SNTG1: variants seen among roughly 807,000 people sequenced by gnomAD.
SNTG1 encodes the protein gamma-1-syntrophin.
Under a neutral mutation model 74.7 loss-of-function variants are expected in SNTG1, and 39 were observed. The observed-to-expected ratio is 0.52, with a 90% CI of 0.40 to 0.68. The LOEUF (loss-of-function observed/expected upper bound fraction) is 0.68, where lower values mean the gene tolerates loss of function less well. Ranked by LOEUF, SNTG1 falls within the 30% of genes least tolerant of loss-of-function variation. The pLI is 0.00. For missense variants in SNTG1, 685 were observed against 609.5 expected (o/e 1.12, Z -1.30); for synonymous variants, 254 against 217.1 (o/e 1.17, Z -1.49).
upstream of SNTG1, chr8:49,911,330 TTCTCTCTCTTCCTCTCTC>T (rs1805568674): frequency 1.3e-5 from 2 of 151,808 alleles, no homozygotes; most frequent in African/African-American, 4.8e-5. Flanking sequence ...TATATATTTT[TTCTCTCTCTTCCTCTCTC>T]TCTCTCTCTG....
chr8:50,110,300 G>C (rs2080534014), intron 1 of SNTG1, among the ~76,000 whole-genome samples: 1 of 152,030 alleles, frequency 6.6e-6, no homozygotes, highest in Admixed American at 6.6e-5. Flanking sequence ...GTGGTCTCTG[G>C]GGTGTGAGAT....
chr8:50,042,338 C>G (rs1253271337), intron 1 of SNTG1, among the ~76,000 whole-genome samples: 1 of 152,116 alleles, frequency 6.6e-6, no homozygotes, highest in Non-Finnish European at 1.5e-5. Context: ...AGGTCCTACC[C>G]CTAATCCATT....
At chr8:50,002,171 A>T (rs1814800647) in intron 1 of SNTG1, among the ~76,000 whole-genome samples, 1 of 152,204 alleles carries the variant, frequency 6.6e-6, no homozygotes, top group African/African-American at 2.4e-5. Context: ...ATGTTGCAGG[A>T]AGGTAATATA....
In SNTG1 at chr8:50,506,128, C is replaced by A. The variant is rs568634856; in HGVS notation, c.466+3248C>A. On this transcript the variant is annotated intron_variant, in intron 9 of 18. Coordinates refer to ENST00000642720, the MANE Select transcript of SNTG1 (RefSeq NM_018967.5). ...AGACTATTCTTTCCCTATTGTATAA[C>A]CTTAACATGTTTGTTTAAAATAATT... Among the ~76,000 whole-genome samples the A allele has an allele frequency of 5.3e-4, 80 of 152,168 alleles. 2 individuals are homozygous for A. The South Asian group carries it at 0.015, about 29-fold the overall frequency.
chr8:50,557,513 T>C (rs1019458701), intron 12 of SNTG1, among the ~76,000 whole-genome samples: 4 of 152,194 alleles, frequency 2.6e-5, no homozygotes, highest in African/African-American at 9.6e-5. Context: ...CTCTGGACTC[T>C]GTAATGCAGA....
At chr8:50,193,646 T>A (rs1408935319) in intron 2 of SNTG1, among the ~76,000 whole-genome samples, 1 of 152,156 alleles carries the variant, frequency 6.6e-6, no homozygotes, top group East Asian at 1.9e-4. Flanking sequence ...TCTTTGCCAA[T>A]GTGGATGCCC....
intron 1 of SNTG1, among the ~76,000 whole-genome samples, chr8:50,097,893 C>A (rs1586257484): frequency 6.6e-6 from 1 of 152,058 alleles, no homozygotes; most frequent in East Asian, 1.9e-4. Context: ...TTTGTTTATG[C>A]AACAGCTTTT....
intron 1 of SNTG1, among the ~76,000 whole-genome samples, chr8:49,936,507 C>A (rs1225576628): frequency 6.6e-6 from 1 of 152,088 alleles, no homozygotes; most frequent in Non-Finnish European, 1.5e-5. Flanking sequence ...ATAAATATAT[C>A]AAGTACTTTT....
intron 17 of SNTG1, among the ~76,000 whole-genome samples, chr8:50,720,681 A>T (rs892374403): frequency 3.3e-5 from 5 of 152,206 alleles, no homozygotes; most frequent in South Asian, 2.1e-4. Context: ...CAATTTGCAA[A>T]GGATAAAAGG....
intron 4 of SNTG1, among the ~76,000 whole-genome samples, chr8:50,413,482 T>C (rs1284950046): frequency 6.6e-6 from 1 of 152,222 alleles, no homozygotes; most frequent in African/African-American, 2.4e-5. Flanking sequence ...CTCTTCTTTC[T>C]GAGTGTTGAA....
chr8:50,529,357 C>T (rs2094247648), intron 9 of SNTG1, among the ~76,000 whole-genome samples: 1 of 151,838 alleles, frequency 6.6e-6, no homozygotes, highest in Non-Finnish European at 1.5e-5. Flanking sequence ...AAGAGAAGAA[C>T]AATATCTGTT....
intron 1 of SNTG1, among the ~76,000 whole-genome samples, chr8:50,058,395 C>T (rs1039182398): frequency 6.6e-6 from 1 of 152,056 alleles, no homozygotes; most frequent in African/African-American, 2.4e-5. Flanking sequence ...GGCTAGAAAC[C>T]ACACACCTTA....
chr8:50,693,054 G>A (rs372095281), intron 15 of SNTG1, among the ~76,000 whole-genome samples: 2 of 152,334 alleles, frequency 1.3e-5, no homozygotes, highest in Admixed American at 6.5e-5. Flanking sequence ...CTCTGAGCCA[G>A]GTGCAGGATA....
chr8:50,111,156 T>A (rs1050226544), intron 1 of SNTG1, among the ~76,000 whole-genome samples: 1 of 152,124 alleles, frequency 6.6e-6, no homozygotes, highest in African/African-American at 2.4e-5. Flanking sequence ...ATTTTTGTTG[T>A]CATCGCCTTA....
At chr8:50,409,483 CA>C (rs1270718990) in intron 4 of SNTG1, among the ~76,000 whole-genome samples, 1 of 152,168 alleles carries the variant, frequency 6.6e-6, no homozygotes, top group Non-Finnish European at 1.5e-5. Context: ...ACGTAGGCAG[CA>C]ATTATTCAGG....
At chr8:50,040,946 G>C (rs1818584824) in intron 1 of SNTG1, among the ~76,000 whole-genome samples, 1 of 152,064 alleles carries the variant, frequency 6.6e-6, no homozygotes, top group Non-Finnish European at 1.5e-5. Flanking sequence ...ACCCAGGCTG[G>C]AGTGTAATGG....
At chr8:50,369,084 G>C (rs1242227027) in intron 2 of SNTG1, among the ~76,000 whole-genome samples, 1 of 152,098 alleles carries the variant, frequency 6.6e-6, no homozygotes, top group East Asian at 1.9e-4. Flanking sequence ...GGGGCTACTG[G>C]AATGGGATGA....
intron 6 of SNTG1, 115 bp downstream of exon 6, chr8:50,449,840 C>A: frequency 1.1e-6 from 1 of 889,934 alleles, no homozygotes; most frequent in Non-Finnish European, 1.6e-6. Context: ...CCAGCTTCCC[C>A]ACCTTCAGGC....
Position 50,461,460 on chromosome 8 carries a change from G to A in SNTG1, c.363+10731G>A, listed in dbSNP as rs570275863. ...TTGAAAACTGTGCTTTACTGTGTGA[G>A]GGCAGGCTATCTACATAATTATTTA... On this transcript the variant is annotated intron_variant, in intron 8 of 18. Coordinates refer to ENST00000642720, the MANE Select transcript of SNTG1 (RefSeq NM_018967.5). Among the ~76,000 whole-genome samples the A allele has an allele frequency of 4.5e-4, 69 of 152,094 alleles. 1 individual carries two copies. Among genetic ancestry groups the A allele is most frequent in the African/African-American group, 1.6e-3 (68 of 41,492 alleles).
Sources: allele counts gnomAD v4.1 joint callset (sites outside exome capture counted in the v4.1 genomes callset), GRCh38; gene constraint gnomAD v4.1.1; transcripts MANE v1.5; gene names NCBI Gene and HGNC (gene_info 2026-07-23, HGNC 2026-07-21).